DPP6: variants seen among roughly 807,000 people sequenced by gnomAD.
DPP6 encodes the protein A-type potassium channel modulatory protein DPP6.
Under a neutral mutation model 122.6 loss-of-function variants are expected in DPP6, and 69 were observed. That is an observed-to-expected ratio of 0.56 (90% confidence interval 0.46 to 0.69). The LOEUF (loss-of-function observed/expected upper bound fraction) is 0.69. DPP6 is among the 30% of genes least tolerant of loss of function. DPP6 has a pLI of 0.00. For synonymous variants in DPP6, 418 were observed against 433.1 expected, an observed-to-expected ratio of 0.97 and a Z score of 0.43; for missense variants, 928 against 1,116.9, an observed-to-expected ratio of 0.83 and a Z score of 2.41.
the DPP6 span, among the ~76,000 whole-genome samples, chr7:153,762,464 T>A: frequency 6.6e-6 from 1 of 152,114 alleles, no homozygotes; most frequent in Admixed American, 6.6e-5. Flanking sequence ...AGGCCACTTA[T>A]CTTCTAAGGG....
At chr7:154,466,484 G>A (rs189507923) in intron 2 of DPP6, among the ~76,000 whole-genome samples, 4 of 152,332 alleles carry the variant, frequency 2.6e-5, no homozygotes, top group East Asian at 3.9e-4. Flanking sequence ...CCTTCTTGCT[G>A]TATCCTCTCC....
At chr7:154,885,534 A>G in intron 21 of DPP6, 99 bp from the exon 22 acceptor site, 3 of 1,459,146 alleles carry the variant, frequency 2.1e-6, no homozygotes, top group Non-Finnish European at 2.7e-6. Flanking sequence ...GAGAACCTGC[A>G]TGGAACTGGC....
At chr7:154,063,263 A>AG (rs1477720646) in intron 1 of DPP6, among the ~76,000 whole-genome samples, 1 of 129,928 alleles carries the variant, frequency 7.7e-6, no homozygotes, top group Non-Finnish European at 1.7e-5. Flanking sequence ...ACTGGCTCTT[A>AG]GGACCCCCAT....
At chr7:154,652,583 T>C (rs1460220656) in intron 6 of DPP6, among the ~76,000 whole-genome samples, 1 of 152,112 alleles carries the variant, frequency 6.6e-6, no homozygotes, top group African/African-American at 2.4e-5. Context: ...TTGAACATGC[T>C]AGAACATGCA....
intron 1 of DPP6, among the ~76,000 whole-genome samples, chr7:154,334,675 C>T (rs1252119833): frequency 6.6e-6 from 1 of 152,192 alleles, no homozygotes; most frequent in African/African-American, 2.4e-5. Flanking sequence ...GGTGGCAGAT[C>T]ACTTGAGGTC....
At chr7:154,420,997 ATAAT>A (rs1307124447) in intron 1 of DPP6, among the ~76,000 whole-genome samples, 1 of 152,194 alleles carries the variant, frequency 6.6e-6, no homozygotes, top group African/African-American at 2.4e-5. Flanking sequence ...AAAAATAAAA[ATAAT>A]AAAATAAGGC....
At position 154,458,849 on chromosome 7, in the gene DPP6, G is replaced by T. The variant is rs183137286; in HGVS notation, c.358+12521G>T. Among the ~76,000 whole-genome samples the T allele has an allele frequency of 3.0e-4, 45 of 152,330 alleles. 1 individual carries two copies. The highest frequency in any genetic ancestry group is 2.9e-3 in the Admixed American group (45 of 15,302). ...CTCCTTCCTGCCATTCACAATGGGA[G>T]TCCATGCTGGGCTCCTAGCTCAGCT... On this transcript the variant is annotated intron_variant, in intron 2 of 25. Coordinates refer to ENST00000377770, the MANE Select transcript of DPP6 (RefSeq NM_130797.4).
chr7:153,924,079 A>G (rs1017265866), intron 1 of DPP6, among the ~76,000 whole-genome samples: 1 of 151,764 alleles, frequency 6.6e-6, no homozygotes, highest in Non-Finnish European at 1.5e-5. Context: ...GTTTCCTTAT[A>G]TGTGTAACAT....
intron 1 of DPP6, among the ~76,000 whole-genome samples, chr7:154,438,935 G>T (rs546895376): frequency 4.6e-5 from 7 of 152,190 alleles, no homozygotes; most frequent in Non-Finnish European, 8.8e-5. Context: ...TAGAAATGTG[G>T]CTTCCAGGGC....
intron 3 of DPP6, among the ~76,000 whole-genome samples, chr7:154,531,718 G>C (rs114950218): frequency 0.013 from 1,977 of 152,084 alleles, 51 homozygotes; most frequent in African/African-American, 0.045. Context: ...ATTGTCTTCT[G>C]TAATACGTAA....
chr7:154,061,536 A>G (rs1428752215), intron 1 of DPP6, among the ~76,000 whole-genome samples: 184 of 145,688 alleles, frequency 1.3e-3, no homozygotes, highest in African/African-American at 4.3e-3. Context: ...TCTTGGGCAA[A>G]ACCTGAACAT....
intron 1 of DPP6, among the ~76,000 whole-genome samples, chr7:154,329,202 A>G (rs1808704495): frequency 6.6e-6 from 1 of 152,236 alleles, no homozygotes; most frequent in Non-Finnish European, 1.5e-5. Flanking sequence ...CATGATTTCA[A>G]CAAAGCTTTA....
At position 154,875,916 on chromosome 7, in the gene DPP6, C is replaced by A. The variant is rs779205426; in HGVS notation, c.1894C>A (p.Pro632Thr). ...YPLLLVVDGT[P>T]GSQSVAEKFE... ...GGATTCTCTTTCCAGGGATGGCACCCCAGGCAGCCAGAGTGTGGCTGAGAA... is the reference window on the plus strand; with the variant it reads ...GGATTCTCTTTCCAGGGATGGCACCACAGGCAGCCAGAGTGTGGCTGAGAA... The change falls in exon 20 of 26, where the codon CCA becomes ACA. Residue 632 changes from proline to threonine, a missense_variant. By Grantham distance (38) the Pro-to-Thr change is conservative. Transcript: ENST00000377770. This position sits in a 1 kb window ranked among gnomAD's most constrained non-coding sequence, Gnocchi z 4.5. The A allele has an allele frequency of 6.2e-7, 1 of 1,610,404 alleles. No individual in the cohort carries two copies. Among genetic ancestry groups the A allele is most frequent in the East Asian group, 2.2e-5 (1 of 44,690 alleles).
intron 3 of DPP6, among the ~76,000 whole-genome samples, chr7:154,522,311 G>A (rs996318835): frequency 1.3e-5 from 2 of 152,194 alleles, no homozygotes; most frequent in Non-Finnish European, 2.9e-5. Flanking sequence ...AAAATCAGGT[G>A]TAGTGAACCT....
intron 7 of DPP6, among the ~76,000 whole-genome samples, chr7:154,720,926 T>C (rs1841771262): frequency 6.6e-6 from 1 of 152,162 alleles, no homozygotes; most frequent in African/African-American, 2.4e-5. Flanking sequence ...CCAATAAGCC[T>C]CGAGAAGAGG....
At chr7:154,059,815 A>G (rs966288714) in intron 1 of DPP6, among the ~76,000 whole-genome samples, 2 of 151,372 alleles carry the variant, frequency 1.3e-5, no homozygotes, top group African/African-American at 4.9e-5. Context: ...TGAGGCCCGT[A>G]GCCTACGTCT....
intron 1 of DPP6, among the ~76,000 whole-genome samples, chr7:154,410,198 A>G (rs1816481192): frequency 6.6e-6 from 1 of 152,256 alleles, no homozygotes; most frequent in Non-Finnish European, 1.5e-5. Flanking sequence ...ACATAACTTC[A>G]GATTTTCCTA....
chr7:154,719,038 A>G (rs1841655105), intron 7 of DPP6, among the ~76,000 whole-genome samples: 1 of 152,116 alleles, frequency 6.6e-6, no homozygotes, highest in South Asian at 2.1e-4. Context: ...GTTTTACCCC[A>G]TTGCTCTTTC....
At chr7:153,831,869 G>C in the DPP6 span, among the ~76,000 whole-genome samples, 1 of 152,176 alleles carries the variant, frequency 6.6e-6, no homozygotes, top group South Asian at 2.1e-4. Context: ...GTAGACCTTA[G>C]AGAAACTAGC....
Sources: allele counts gnomAD v4.1 joint callset (sites outside exome capture counted in the v4.1 genomes callset), GRCh38; gene constraint gnomAD v4.1.1; non-coding constraint Gnocchi (gnomAD v3.1); transcripts MANE v1.5; gene names NCBI Gene and HGNC (gene_info 2026-07-23, HGNC 2026-07-21).